SCN2A: variants seen among roughly 807,000 people sequenced by gnomAD.
The protein encoded by SCN2A is sodium channel protein type 2 subunit alpha.
Under a neutral mutation model 188.7 loss-of-function variants are expected in SCN2A, and 20 were observed. The observed-to-expected ratio is 0.11, with a 90% CI of 0.07 to 0.15. The LOEUF (loss-of-function observed/expected upper bound fraction) is 0.15, where lower values mean the gene tolerates loss of function less well. Ranked by LOEUF, SCN2A falls within the 10% of genes least tolerant of loss-of-function variation. The pLI is 1.00. For missense variants in SCN2A, 1,278 were observed against 2,445.0 expected, an observed-to-expected ratio of 0.52 and a Z score of 10.07; for synonymous variants, 804 against 833.1, an observed-to-expected ratio of 0.97 and a Z score of 0.60.
At chr2:165,280,910 T>C (rs1695556958) in intron 1 of SCN2A, among the ~76,000 whole-genome samples, 1 of 152,146 alleles carries the variant, frequency 6.6e-6, no homozygotes, top group Admixed American at 6.5e-5. Flanking sequence ...TAATAAACAA[T>C]ATAAATAATT....
At chr2:165,331,966 G>A (rs1165662267) in intron 14 of SCN2A, among the ~76,000 whole-genome samples, 3 of 151,998 alleles carry the variant, frequency 2.0e-5, no homozygotes, top group Non-Finnish European at 4.4e-5. Flanking sequence ...AGTACTTGAA[G>A]ATGGACTATG....
chr2:165,388,642 T>G lies in SCN2A; in HGVS notation c.4836T>G (p.Ala1612=), dbSNP rs144133411. The G allele has an allele frequency of 3.1e-6, 5 of 1,613,814 alleles. No individual in the cohort carries two copies. Among genetic ancestry groups the G allele is most frequent in the Non-Finnish European group, 4.2e-6 (5 of 1,179,858 alleles). ...GATTTTCTACAGGAATGTTTCTGGC[T>G]GAACTGATAGAAAAGTATTTTGTGT... ...VILSIVGMFL[A]ELIEKYFVSP... Residue 1612 remains alanine, a synonymous_variant, in exon 27 of 27, where the codon GCT becomes GCG. Transcript: ENST00000375437.
rs1347748978 is a variant in SCN2A at position 165,298,548 on chromosome 2, G to A, written c.386+1413G>A. Among the ~76,000 whole-genome samples the A allele has an allele frequency of 2.0e-5, 3 of 151,994 alleles. No individual in the cohort carries two copies. In the South Asian group the frequency reaches 6.2e-4, roughly 32 times the overall value. On this transcript the variant is annotated intron_variant, in intron 3 of 26. Transcript: ENST00000375437. ...TGTTTTAAGATTTCCTAGTTTCTTGGCATTACCTTAAGCAATAATGTTTTC... is the reference window on the plus strand; with the variant it reads ...TGTTTTAAGATTTCCTAGTTTCTTGACATTACCTTAAGCAATAATGTTTTC...
chr2:165,311,910 A>G (rs1697452297), intron 7 of SCN2A, 115 bp from the exon 8 acceptor site: 4 of 701,884 alleles, frequency 5.7e-6, no homozygotes, highest in Non-Finnish European at 5.2e-6. Flanking sequence ...TATATTTATT[A>G]GTTTATCCAT....
chr2:165,366,057 T>C (rs1821223), intron 18 of SCN2A, among the ~76,000 whole-genome samples: 64,440 of 151,940 alleles, frequency 0.42, 13,882 homozygotes, highest in East Asian at 0.54. Flanking sequence ...ATTGTTTCTC[T>C]ATTCTTACAG....
intron 16 of SCN2A, among the ~76,000 whole-genome samples, chr2:165,348,132 G>T (rs936413165): frequency 1.3e-5 from 2 of 152,146 alleles, no homozygotes; most frequent in Non-Finnish European, 2.9e-5. Flanking sequence ...ACTGAAGTGG[G>T]CGTTTCACTT....
At chr2:165,346,608 G>T (rs1170337051) in intron 16 of SCN2A, among the ~76,000 whole-genome samples, 1 of 152,140 alleles carries the variant, frequency 6.6e-6, no homozygotes, top group Non-Finnish European at 1.5e-5. Flanking sequence ...TGACAAATGG[G>T]ATCTAATTAA....
chr2:165,265,942 C>T (rs1443864051), intron 1 of SCN2A, among the ~76,000 whole-genome samples: 2 of 151,700 alleles, frequency 1.3e-5, no homozygotes, highest in Admixed American at 6.6e-5. Flanking sequence ...CCTGCTCAGC[C>T]TCTGAGTAGC....
intron 11 of SCN2A, among the ~76,000 whole-genome samples, chr2:165,319,687 A>G (rs1697969830): frequency 6.6e-6 from 1 of 152,172 alleles, no homozygotes; most frequent in Non-Finnish European, 1.5e-5. Flanking sequence ...AGAGAGTGAA[A>G]GCCAAGCAAA....
chr2:165,373,524 A>T (rs1453566626), intron 21 of SCN2A, among the ~76,000 whole-genome samples, 177 bp downstream of exon 21: 1 of 152,116 alleles, frequency 6.6e-6, no homozygotes, highest in African/African-American at 2.4e-5. Flanking sequence ...TGCTGGAGTC[A>T]CTCACAGAGT....
At chr2:165,277,692 C>T (rs1695405512) in intron 1 of SCN2A, among the ~76,000 whole-genome samples, 1 of 152,176 alleles carries the variant, frequency 6.6e-6, no homozygotes, top group Non-Finnish European at 1.5e-5. Context: ...CTCAGAACTT[C>T]TTCAAGCCTG....
chr2:165,300,431 A>C, intron 3 of SCN2A, among the ~76,000 whole-genome samples: 1 of 152,150 alleles, frequency 6.6e-6, no homozygotes, highest in Middle Eastern at 3.4e-3. Context: ...GGAGCTAGTG[A>C]TAAGTGTTAC....
At chr2:165,246,298 T>C (rs1196655354) in intron 1 of SCN2A, among the ~76,000 whole-genome samples, 1 of 152,210 alleles carries the variant, frequency 6.6e-6, no homozygotes, top group East Asian at 1.9e-4. Context: ...AATATGCATA[T>C]GTATGGCCTC....
At chr2:165,344,066 C>T (rs1036593449) in intron 15 of SCN2A, among the ~76,000 whole-genome samples, 2 of 152,150 alleles carry the variant, frequency 1.3e-5, no homozygotes, top group African/African-American at 4.8e-5. Context: ...TTCTCTGAAA[C>T]TGGATCTCTG....
intron 1 of SCN2A, among the ~76,000 whole-genome samples, chr2:165,251,805 A>G (rs1694107337): frequency 6.6e-6 from 1 of 152,062 alleles, no homozygotes; most frequent in Admixed American, 6.6e-5. Context: ...GTTTTCTGCT[A>G]AGACTTTGAT....
At chr2:165,284,356 G>A (rs1463101313) in intron 1 of SCN2A, among the ~76,000 whole-genome samples, 1 of 151,984 alleles carries the variant, frequency 6.6e-6, no homozygotes, top group Non-Finnish European at 1.5e-5. Context: ...ATTTTTAGTA[G>A]GGATGGGGTT....
intron 16 of SCN2A, among the ~76,000 whole-genome samples, chr2:165,351,631 G>C (rs1355649318): frequency 6.6e-6 from 1 of 151,856 alleles, no homozygotes; most frequent in Non-Finnish European, 1.5e-5. Context: ...CATGTAAGTT[G>C]TGCAGAAGCA....
intron 3 of SCN2A, among the ~76,000 whole-genome samples, chr2:165,299,390 A>C (rs1163964925): frequency 6.6e-6 from 1 of 152,190 alleles, no homozygotes; most frequent in Admixed American, 6.5e-5. Context: ...CAAATCTATT[A>C]AGGTATGCCA....
At chr2:165,300,285 C>G (rs948339569) in intron 3 of SCN2A, among the ~76,000 whole-genome samples, 1 of 152,078 alleles carries the variant, frequency 6.6e-6, no homozygotes, top group East Asian at 1.9e-4. Context: ...TGAGTATCTA[C>G]CATGTGGTAG....
Sources: allele counts gnomAD v4.1 joint callset (sites outside exome capture counted in the v4.1 genomes callset), GRCh38; gene constraint gnomAD v4.1.1; transcripts MANE v1.5; gene names NCBI Gene and HGNC (gene_info 2026-07-23, HGNC 2026-07-21).